PTPRG: variants seen among roughly 807,000 people sequenced by gnomAD.
PTPRG encodes protein tyrosine phosphatase receptor type G.
A neutral mutation model predicts 165.3 loss-of-function variants in PTPRG; 102 were observed. The observed-to-expected ratio is 0.62, with a 90% CI of 0.53 to 0.73. PTPRG has a LOEUF of 0.73. PTPRG is among the 30% of genes least tolerant of loss of function. PTPRG has a pLI of 0.00. For synonymous variants in PTPRG, 675 were observed against 669.5 expected (o/e 1.01, Z -0.13); for missense variants, 1,866 against 1,861.4 (o/e 1.00, Z -0.05).
intron 1 of PTPRG, among the ~76,000 whole-genome samples, chr3:61,572,130 G>A (rs7644039): frequency 0.016 from 2,395 of 152,278 alleles, 55 homozygotes; most frequent in African/African-American, 0.042. Flanking sequence ...TTCCTAAGGC[G>A]TTGAGAACCC....
At chr3:62,170,106 C>A (rs1235672941) in intron 8 of PTPRG, among the ~76,000 whole-genome samples, 1 of 152,138 alleles carries the variant, frequency 6.6e-6, no homozygotes, top group African/African-American at 2.4e-5. Context: ...GCTTGAGATT[C>A]AAGTAATTTG....
chr3:61,886,209 AG>A (rs2038033074), intron 2 of PTPRG, among the ~76,000 whole-genome samples: 1 of 152,068 alleles, frequency 6.6e-6, no homozygotes, highest in African/African-American at 2.4e-5. Flanking sequence ...CTTCCTTCTG[AG>A]GAAGAAAAGT....
chr3:61,792,692 CTTTCTTTCTTTCTTT>C (rs2034917342), intron 2 of PTPRG, among the ~76,000 whole-genome samples: 7 of 24,212 alleles, frequency 2.9e-4, no homozygotes, highest in African/African-American at 2.1e-3. Flanking sequence ...TTCTTTCTTT[CTTTCTTTCTTTCTTT>C]CTTTCTTTCT....
At chr3:61,989,984 CCT>C (rs754203439) in intron 3 of PTPRG, among the ~76,000 whole-genome samples, 180 bp downstream of exon 3, 89 of 152,070 alleles carry the variant, frequency 5.9e-4, no homozygotes, top group Non-Finnish European at 1.0e-3. Context: ...GGCTAATCAC[CCT>C]GTGTCTTCAT....
In PTPRG at chr3:62,237,837, C is replaced by G. The variant is rs1415873162; in HGVS notation, c.2376-5970C>G. Among the ~76,000 whole-genome samples the G allele has an allele frequency of 6.6e-6, 1 of 152,176 alleles. No homozygotes were observed. Among genetic ancestry groups the G allele is most frequent in the Non-Finnish European group, 1.5e-5 (1 of 68,034 alleles). On this transcript the variant is annotated intron_variant, in intron 14 of 29. Coordinates refer to ENST00000474889, the MANE Select transcript of PTPRG (RefSeq NM_002841.4). The surrounding 1 kb of genome is among the most constrained non-coding windows in gnomAD (Gnocchi z 4.5). ...AGAAAACTGCTAACCAGATGCCATACAGATTTGATCAGCTACTATCACACA... is the reference window on the plus strand; with the variant it reads ...AGAAAACTGCTAACCAGATGCCATAGAGATTTGATCAGCTACTATCACACA...
intron 1 of PTPRG, among the ~76,000 whole-genome samples, chr3:61,574,011 G>A (rs1700122697): frequency 1.3e-5 from 2 of 151,852 alleles, no homozygotes. Flanking sequence ...TGTTTTGATG[G>A]TTGCAATGGT....
intron 1 of PTPRG, among the ~76,000 whole-genome samples, chr3:61,602,755 A>G (rs920899304): frequency 6.6e-6 from 1 of 152,130 alleles, no homozygotes; most frequent in African/African-American, 2.4e-5. Flanking sequence ...TCTGTTGTCT[A>G]CTTCCTTCCC....
chr3:62,126,825 CTG>C (rs1559540692), intron 5 of PTPRG, among the ~76,000 whole-genome samples: 1 of 152,220 alleles, frequency 6.6e-6, no homozygotes. Context: ...AATTGTGTCT[CTG>C]TATTCCTCTC....
In PTPRG at chr3:62,161,816, A is replaced by C. The variant is rs770096046; in HGVS notation, c.840+4592A>C. Reference sequence around the variant, plus strand: ...GATGCTCCAGGCTACTGGGAATTTAATATTCCATTATCATTGTCTTGTTTA... The same window carrying C: ...GATGCTCCAGGCTACTGGGAATTTACTATTCCATTATCATTGTCTTGTTTA... On this transcript the variant is annotated intron_variant, in intron 7 of 29. Transcript: ENST00000474889. Among the ~76,000 whole-genome samples the C allele has an allele frequency of 5.9e-5, 9 of 152,196 alleles. 1 individual carries two copies. The highest frequency in any genetic ancestry group is 1.3e-4 in the Non-Finnish European group (9 of 68,038).
rs1159816242 is a variant in PTPRG at position 62,233,040 on chromosome 3, G to T, written c.2375+1729G>T. Among the ~76,000 whole-genome samples the T allele has an allele frequency of 1.3e-5, 2 of 152,084 alleles. No homozygotes were observed. The highest frequency in any genetic ancestry group is 4.8e-5 in the African/African-American group (2 of 41,404). ...CATGAGGTTGTTGTGAAGATTAAATGGGGGTAGTATATGTAAAATGCTTAG... is the reference window on the plus strand; with the variant it reads ...CATGAGGTTGTTGTGAAGATTAAATTGGGGTAGTATATGTAAAATGCTTAG... On this transcript the variant is annotated intron_variant, in intron 14 of 29. Coordinates refer to ENST00000474889, the MANE Select transcript of PTPRG (RefSeq NM_002841.4). The surrounding 1 kb of genome is among the most constrained non-coding windows in gnomAD (Gnocchi z 4.7).
rs771152015 is a variant in PTPRG, at chr3:62,293,326, A to C, written c.*19A>C. ...AGTGTGACTGGAATCCTGAAAGGGC[A>C]CTTAATTTGTAAACTTCTGAAGACT... On this transcript the variant is annotated 3_prime_UTR_variant, in exon 30 of 30. Coordinates refer to ENST00000474889, the MANE Select transcript of PTPRG (RefSeq NM_002841.4). The C allele has an allele frequency of 3.3e-6, 5 of 1,530,676 alleles. No homozygotes were observed. Among genetic ancestry groups the C allele is most frequent in the Non-Finnish European group, 4.4e-6 (5 of 1,144,138 alleles). The allele number at this position is 1,530,676 out of a possible 1,614,324, so 94.8% of individuals were successfully genotyped here.
At chr3:61,870,999 G>A (rs2037555206) in intron 2 of PTPRG, among the ~76,000 whole-genome samples, 1 of 152,004 alleles carries the variant, frequency 6.6e-6, no homozygotes, top group South Asian at 2.1e-4. Flanking sequence ...AGAATTGTTT[G>A]TTTAGACTGT....
chr3:61,659,509 C>G (rs776601463), intron 1 of PTPRG: 2 of 946,286 alleles, frequency 2.1e-6, no homozygotes, highest in Non-Finnish European at 2.5e-6. Context: ...GGGTCTGGAT[C>G]CTGATTTTGA....
chr3:62,089,592 A>T (rs570211408), intron 5 of PTPRG, among the ~76,000 whole-genome samples: 1 of 152,172 alleles, frequency 6.6e-6, no homozygotes, highest in Non-Finnish European at 1.5e-5. Context: ...TCATCTCTTT[A>T]TTATGATTGT....
chr3:61,918,790 G>T (rs115026120), intron 2 of PTPRG, among the ~76,000 whole-genome samples: 1,633 of 152,184 alleles, frequency 0.011, 36 homozygotes, highest in South Asian at 0.094. Context: ...ACCATTTCTC[G>T]CTACCTCTCT....
intron 1 of PTPRG, among the ~76,000 whole-genome samples, chr3:61,714,093 A>T (rs1380188896): frequency 1.3e-5 from 2 of 152,202 alleles, no homozygotes; most frequent in African/African-American, 2.4e-5. Flanking sequence ...TTTCTAAAAT[A>T]TGAGCTCTAT....
At position 62,281,551 on chromosome 3, in the gene PTPRG, T is replaced by TTTTTTTTTTTTTTTTTTG; in HGVS notation, c.3766-12_3766-11insTTTTTTTTTTTTTTTTTG. 2.0e-6 allele frequency: 3 copies of TTTTTTTTTTTTTTTTTTG among 1,466,124 alleles called. No homozygotes were observed. The South Asian group carries it at 4.1e-5, about 20-fold the overall frequency. 90.8% of individuals were successfully genotyped at this position (1,466,124 alleles called of 1,614,324 possible). A position where few individuals can be genotyped will look rare whatever the true frequency, so the allele number is the denominator to read the frequency against. Reference sequence around the variant, plus strand: ...GAACTGCAGAGGCTTTTTTTTTTTTTGGATTCCAAAGGCAGAAGATGAGTT... The same window carrying TTTTTTTTTTTTTTTTTTG: ...GAACTGCAGAGGCTTTTTTTTTTTTTTTTTTTTTTTTTTTTTTGGGATTCCAAAGGCAGAAGATGAGTT... On this transcript the variant is annotated splice_polypyrimidine_tract_variant and intron_variant, in intron 26 of 29. Coordinates refer to ENST00000474889, the MANE Select transcript of PTPRG (RefSeq NM_002841.4).
rs142034400 is a variant in PTPRG, at chr3:61,607,253, C to G, written c.85+44881C>G. Among the ~76,000 whole-genome samples the G allele has an allele frequency of 7.2e-3, 1,093 of 152,316 alleles. 11 individuals carry two copies. The highest frequency in any genetic ancestry group is 1.0e-2 in the Non-Finnish European group (677 of 68,030). The stretch of plus-strand genomic sequence containing the variant: ...ATGGACAGCCACCTGTGAAATAAAG[C>G]TGTGGGTACAGAGCAGTCCCTGTTA... On this transcript the variant is annotated intron_variant, in intron 1 of 29. Coordinates refer to ENST00000474889, the MANE Select transcript of PTPRG (RefSeq NM_002841.4).
chr3:61,867,243 C>T (rs1019849597), intron 2 of PTPRG, among the ~76,000 whole-genome samples: 1 of 152,130 alleles, frequency 6.6e-6, no homozygotes, highest in African/African-American at 2.4e-5. Context: ...TCCTCCATGG[C>T]CAAGGAGCAA....
Sources: gnomAD v4.1 joint callset for allele counts (sites outside exome capture counted in the v4.1 genomes callset) on GRCh38, gnomAD v4.1.1 for gene constraint, Gnocchi (gnomAD v3.1) non-coding constraint, MANE v1.5 for transcripts, NCBI Gene and HGNC (gene_info 2026-07-23, HGNC 2026-07-21) for gene names.